ITGBL1: variants seen among roughly 807,000 people sequenced by gnomAD.
ITGBL1 encodes the protein integrin subunit beta like 1.
A neutral mutation model predicts 68.5 loss-of-function variants in ITGBL1; 51 were observed. The ratio of observed to expected loss-of-function variants is 0.74; its 90% CI spans 0.59 to 0.94. The LOEUF is 0.94. Among genes scored for constraint, ITGBL1 ranks in the 40% least tolerant of loss-of-function variants. ITGBL1 has a pLI of 0.00. For synonymous variants in ITGBL1, 209 were observed against 227.3 expected (o/e 0.92, Z 0.72); for missense variants, 649 against 647.4 (o/e 1.00, Z -0.03).
At chr13:101,528,176 TAATA>T (rs1047611026) in intron 2 of ITGBL1, among the ~76,000 whole-genome samples, 2 of 151,480 alleles carry the variant, frequency 1.3e-5, no homozygotes, top group African/African-American at 4.8e-5. Context: ...AATGGTTTAT[TAATA>T]TTTTTCTTTT....
intron 2 of ITGBL1, among the ~76,000 whole-genome samples, chr13:101,468,755 G>C (rs1011025502): frequency 6.6e-6 from 1 of 152,158 alleles, no homozygotes; most frequent in Non-Finnish European, 1.5e-5. Flanking sequence ...AAAAGAACCC[G>C]TTATGCATCT....
chr13:101,564,872 T>C (rs1437509091), intron 2 of ITGBL1, among the ~76,000 whole-genome samples: 1 of 151,600 alleles, frequency 6.6e-6, no homozygotes, highest in Non-Finnish European at 1.5e-5. Context: ...AGTATAATAA[T>C]AATAAAATTT....
chr13:101,485,763 G>A (rs1482220749), intron 2 of ITGBL1, among the ~76,000 whole-genome samples: 2 of 152,268 alleles, frequency 1.3e-5, no homozygotes, highest in African/African-American at 4.8e-5. Flanking sequence ...CTGTACTCCA[G>A]CCTGGTCAAC....
At chr13:101,714,807 C>A (rs1031345440) in intron 10 of ITGBL1, 1 of 488,172 alleles carries the variant, frequency 2.0e-6, no homozygotes, top group Non-Finnish European at 3.7e-6. Context: ...ACCTCCCCAC[C>A]CTCAAACTCA....
intron 2 of ITGBL1, among the ~76,000 whole-genome samples, chr13:101,531,926 G>C (rs934631211): frequency 2.7e-4 from 41 of 151,546 alleles, no homozygotes; most frequent in Non-Finnish European, 4.3e-4. Flanking sequence ...GGTAGAGACG[G>C]GGTTTCACCG....
rs1214110188 is a variant in ITGBL1 at position 101,693,595 on chromosome 13, C to T, written c.1132+894C>T. ...TGTGTGTCTTAATGGAAGGCTGAGG[C>T]ACCATCCATCCATCCTATCTGTCTG... On this transcript the variant is annotated intron_variant, in intron 8 of 10. Transcript: ENST00000376180. 2.0e-5 allele frequency among the ~76,000 whole-genome samples: 3 copies of T among 148,702 alleles called. No individual in the cohort carries two copies. The Admixed American group carries it at 2.0e-4, about 10-fold the overall frequency.
In ITGBL1 at chr13:101,544,099, G is replaced by A. The variant is rs141491935; in HGVS notation, c.317-23600G>A. ...AGCTTTGTTCTGTTGCTGGTGAGGA[G>A]CTGCGTTCCTTTGGAGGAGGAGAGG... On this transcript the variant is annotated intron_variant, in intron 2 of 10. Transcript: ENST00000376180. Among the ~76,000 whole-genome samples, 1,361 of 152,252 alleles carry A rather than the reference G, an allele frequency of 8.9e-3. 19 individuals carry two copies. Among genetic ancestry groups the A allele is most frequent in the African/African-American group, 0.031 (1,287 of 41,528 alleles).
rs137911931 is a variant in ITGBL1 at position 101,474,632 on chromosome 13, C to T, written c.316+20532C>T. Among the ~76,000 whole-genome samples, 211 of 152,268 alleles carry T rather than the reference C, an allele frequency of 1.4e-3. 1 individual carries two copies. Among genetic ancestry groups the T allele is most frequent in the Non-Finnish European group, 2.6e-3 (176 of 68,026 alleles). On this transcript the variant is annotated intron_variant, in intron 2 of 10. Transcript: ENST00000376180. ...GCCTTGGGTGAGACCTAGTACCATG[C>T]TGGCTTTGGGACTGACCCAGAGTAG...
chr13:101,526,402 T>A (rs1315308546), intron 2 of ITGBL1, among the ~76,000 whole-genome samples: 1 of 152,018 alleles, frequency 6.6e-6, no homozygotes, highest in African/African-American at 2.4e-5. Context: ...ATTGCAGCAC[T>A]ATTCACAATA....
At chr13:101,632,016 AAAAG>A (rs1362101483) in intron 7 of ITGBL1, among the ~76,000 whole-genome samples, 1 of 152,098 alleles carries the variant, frequency 6.6e-6, no homozygotes, top group Non-Finnish European at 1.5e-5. Context: ...GTACACAAAA[AAAAG>A]CAAAAACTAT....
chr13:101,692,824 C>G (rs1034032091), intron 8 of ITGBL1, 123 bp downstream of exon 8: 1 of 710,170 alleles, frequency 1.4e-6, no homozygotes, highest in South Asian at 1.7e-5. Flanking sequence ...AAGCAATATA[C>G]CATTGAACCT....
intron 2 of ITGBL1, among the ~76,000 whole-genome samples, chr13:101,512,657 G>A (rs991813816): frequency 6.6e-6 from 1 of 152,058 alleles, no homozygotes; most frequent in Non-Finnish European, 1.5e-5. Flanking sequence ...TTTGTTTTGA[G>A]AGCCAGAGTG....
chr13:101,542,470 T>C (rs1280061788), intron 2 of ITGBL1, among the ~76,000 whole-genome samples: 2 of 152,228 alleles, frequency 1.3e-5, no homozygotes, highest in African/African-American at 4.8e-5. Context: ...AGTGCTTTAC[T>C]TCCAACTATA....
chr13:101,600,341 A>C (rs1057338642), intron 7 of ITGBL1, among the ~76,000 whole-genome samples: 2 of 152,156 alleles, frequency 1.3e-5, no homozygotes, highest in African/African-American at 4.8e-5. Context: ...TTTTGGGCTG[A>C]GACAATGGGG....
intron 7 of ITGBL1, among the ~76,000 whole-genome samples, chr13:101,604,650 A>T (rs2030580889): frequency 1.3e-5 from 2 of 150,940 alleles, no homozygotes; most frequent in African/African-American, 2.4e-5. Context: ...TTTTGAAGCA[A>T]ATGACCAGTA....
chr13:101,579,168 G>A, intron 4 of ITGBL1, 119 bp from the exon 5 acceptor site: 1 of 1,030,476 alleles, frequency 9.7e-7, no homozygotes, highest in South Asian at 1.5e-5. Flanking sequence ...TTTTAGGCAA[G>A]GAATGTGGAG....
rs577878535 is a variant in ITGBL1 at position 101,626,588 on chromosome 13, G to A, written c.1015+28289G>A. 7.2e-5 allele frequency among the ~76,000 whole-genome samples: 11 copies of A among 152,160 alleles called. 1 individual carries two copies. The South Asian group carries it at 2.3e-3, about 32-fold the overall frequency. ...TATCTGCATTGCTTTGCTTGTGACA[G>A]TCCTTTGCATATATGATGGCCTTTT... On this transcript the variant is annotated intron_variant, in intron 7 of 10. Coordinates refer to ENST00000376180, the MANE Select transcript of ITGBL1 (RefSeq NM_004791.3).
At chr13:101,548,626 TAGAAG>T (rs1306690315) in intron 2 of ITGBL1, among the ~76,000 whole-genome samples, 1 of 151,760 alleles carries the variant, frequency 6.6e-6, no homozygotes, top group Non-Finnish European at 1.5e-5. Flanking sequence ...GTTTTATACA[TAGAAG>T]GGAAAATAAC....
At chr13:101,543,312 T>G (rs867248576) in intron 2 of ITGBL1, among the ~76,000 whole-genome samples, 2 of 152,198 alleles carry the variant, frequency 1.3e-5, no homozygotes, top group Non-Finnish European at 2.9e-5. Context: ...CTCCTTCACT[T>G]ATAAAGCTTA....
Sources: gnomAD v4.1 joint callset for allele counts (sites outside exome capture counted in the v4.1 genomes callset) on GRCh38, gnomAD v4.1.1 for gene constraint, MANE v1.5 for transcripts, NCBI Gene and HGNC (gene_info 2026-07-23, HGNC 2026-07-21) for gene names.